TPX2: variants seen among roughly 807,000 people sequenced by gnomAD.
TPX2 encodes targeting protein for Xklp2.
TPX2 carries 21 observed loss-of-function variants against 93.6 expected under a neutral mutation model. That is an observed-to-expected ratio of 0.22 (90% CI 0.16 to 0.32). The LOEUF is 0.32. Among genes scored for constraint, TPX2 ranks in the 10% least tolerant of loss-of-function variants. The probability of loss-of-function intolerance (pLI) is 1.00; values close to 1 mark genes in which losing one functional copy is unlikely to be tolerated. For synonymous variants in TPX2, 281 were observed against 298.3 expected (o/e 0.94, Z 0.60); for missense variants, 776 against 871.1 (o/e 0.89, Z 1.37).
At chr20:31,780,195 G>A (rs1264440488) in intron 10 of TPX2, among the ~76,000 whole-genome samples, 2 of 152,066 alleles carry the variant, frequency 1.3e-5, no homozygotes, top group African/African-American at 2.4e-5. Context: ...GGGATTACAG[G>A]TGTGTGCCAC....
chr20:31,765,212 C>G (rs1296425734), intron 4 of TPX2, among the ~76,000 whole-genome samples: 3 of 148,664 alleles, frequency 2.0e-5, no homozygotes, highest in Admixed American at 1.4e-4. Context: ...AATCCCAGTA[C>G]TTTGGGAGGC....
In TPX2 at chr20:31,747,022, G is replaced by C. The variant is rs1231237946; in HGVS notation, c.-71+4375G>C. Among the ~76,000 whole-genome samples, 9 of 152,144 alleles carry C rather than the reference G, an allele frequency of 5.9e-5. No homozygotes were observed. The East Asian group carries it at 1.7e-3, about 29-fold the overall frequency. On this transcript the variant is annotated intron_variant, in intron 2 of 17. Transcript: ENST00000300403. ...GCTGTTCTCCTTCTCTGCACTTCCA[G>C]AGCGCTCTCTGTTAATGCCCTCTTG...
intron 15 of TPX2, among the ~76,000 whole-genome samples, chr20:31,796,220 GAA>G: frequency 6.6e-6 from 1 of 152,274 alleles, no homozygotes; most frequent in Admixed American, 6.5e-5. Flanking sequence ...ATCAAAACAT[GAA>G]AAGTCTTGTT....
intron 12 of TPX2, among the ~76,000 whole-genome samples, chr20:31,790,632 A>G (rs1257244256): frequency 6.6e-6 from 1 of 152,190 alleles, no homozygotes; most frequent in Non-Finnish European, 1.5e-5. Context: ...CATTGTTGGG[A>G]TTAAGGAGAA....
At chr20:31,769,475 C>T (rs1270601975) in intron 5 of TPX2, among the ~76,000 whole-genome samples, 3 of 151,940 alleles carry the variant, frequency 2.0e-5, no homozygotes, top group African/African-American at 2.4e-5. Flanking sequence ...CCCGCCGCCA[C>T]GCCTGGCTAA....
At chr20:31,797,754 G>T (rs6119725) in intron 16 of TPX2, among the ~76,000 whole-genome samples, 42,971 of 152,078 alleles carry the variant, frequency 0.28, 7,440 homozygotes, top group African/African-American at 0.48. Context: ...GAAGCAGCTG[G>T]CATTTCAACA....
intron 12 of TPX2, among the ~76,000 whole-genome samples, chr20:31,791,733 G>C (rs946392171): frequency 6.6e-6 from 1 of 152,190 alleles, no homozygotes; most frequent in Non-Finnish European, 1.5e-5. Context: ...AGCTGAAGTA[G>C]GTCTGGCAAT....
intron 7 of TPX2, among the ~76,000 whole-genome samples, chr20:31,774,224 G>A (rs2061981712): frequency 6.6e-6 from 1 of 152,144 alleles, no homozygotes; most frequent in African/African-American, 2.4e-5. Flanking sequence ...ACCCTGTGCA[G>A]TAGAGCAAAA....
chr20:31,780,965 G>A, intron 10 of TPX2: 1 of 408,830 alleles, frequency 2.4e-6, no homozygotes, highest in Admixed American at 3.0e-5. Context: ...CGTCACCCAG[G>A]CTGGAGTGCA....
intron 5 of TPX2, among the ~76,000 whole-genome samples, chr20:31,767,848 A>G (rs913353382): frequency 5.9e-5 from 9 of 151,932 alleles, no homozygotes; most frequent in African/African-American, 2.2e-4. Context: ...CACTGCACCC[A>G]GGCCAGAGTA....
intron 15 of TPX2, among the ~76,000 whole-genome samples, chr20:31,796,612 G>A (rs547389907): frequency 9.2e-5 from 14 of 151,750 alleles, no homozygotes; most frequent in Non-Finnish European, 1.6e-4. Context: ...TGCTGATTGC[G>A]TTCCCACACA....
At chr20:31,745,783 A>G (rs1322928364) in intron 2 of TPX2, among the ~76,000 whole-genome samples, 1 of 152,342 alleles carries the variant, frequency 6.6e-6, no homozygotes, top group Non-Finnish European at 1.5e-5. Context: ...TTTCAGCTTC[A>G]TACTATTGGA....
intron 10 of TPX2, among the ~76,000 whole-genome samples, chr20:31,781,545 G>A (rs1287848350): frequency 2.0e-5 from 3 of 151,700 alleles, no homozygotes; most frequent in Non-Finnish European, 2.9e-5. Context: ...GATTACAGGC[G>A]TGAGCCACTG....
intron 2 of TPX2, among the ~76,000 whole-genome samples, chr20:31,749,238 G>A (rs1477102133): frequency 2.0e-5 from 3 of 152,058 alleles, no homozygotes; most frequent in Non-Finnish European, 2.9e-5. Context: ...GAGCCACCGC[G>A]CCCAGCTTAA....
intron 2 of TPX2, among the ~76,000 whole-genome samples, chr20:31,753,259 T>C (rs2061830672): frequency 6.6e-6 from 1 of 152,228 alleles, no homozygotes; most frequent in African/African-American, 2.4e-5. Context: ...AACATTGTGC[T>C]GAAGTCACGA....
At chr20:31,761,346 C>T (rs963190512) in intron 4 of TPX2, among the ~76,000 whole-genome samples, 8 of 151,862 alleles carry the variant, frequency 5.3e-5, no homozygotes, top group South Asian at 2.1e-4. Context: ...GGATTACAGG[C>T]GCCCACCAGC....
chr20:31,763,698 A>T (rs912339588), intron 4 of TPX2, among the ~76,000 whole-genome samples: 1 of 149,340 alleles, frequency 6.7e-6, no homozygotes. Context: ...AATTTAATTT[A>T]AATTTAATTT....
chr20:31,795,081 G>A (rs576186759), intron 15 of TPX2, among the ~76,000 whole-genome samples: 13 of 152,102 alleles, frequency 8.5e-5, no homozygotes, highest in South Asian at 8.3e-4. Flanking sequence ...TCGGCTTCCC[G>A]AAGTGCTGGG....
chr20:31,796,927 T>G (rs963323368), intron 15 of TPX2, among the ~76,000 whole-genome samples: 9 of 152,064 alleles, frequency 5.9e-5, no homozygotes, highest in African/African-American at 1.7e-4. Context: ...TAATGTGTAA[T>G]GATCTGATCA....
Sources: allele counts gnomAD v4.1 joint callset (sites outside exome capture counted in the v4.1 genomes callset), GRCh38; gene constraint gnomAD v4.1.1; transcripts MANE v1.5; gene names NCBI Gene and HGNC (gene_info 2026-07-23, HGNC 2026-07-21).